MPV17: variants seen among roughly 807,000 people sequenced by gnomAD.
MPV17 encodes the protein MPV17, mitochondrial inner membrane protein.
In MPV17, 31 loss-of-function variants were observed where a neutral mutation model predicts 28.6. That is an observed-to-expected ratio of 1.08 (90% CI 0.81 to 1.46). MPV17 has a LOEUF of 1.46. Ranked by LOEUF, MPV17 falls within the 40% of genes most tolerant of loss-of-function variation. The pLI, the probability that MPV17 is intolerant of heterozygous loss-of-function variation, is 0.00. For missense variants in MPV17, 198 were observed against 216.2 expected (o/e 0.92, Z 0.53); for synonymous variants, 87 against 85.3 (o/e 1.02, Z -0.11).
At chr2:27,315,896 G>A (rs1679632834) in intron 2 of MPV17, 15 of 1,424,952 alleles carry the variant, frequency 1.1e-5, no homozygotes, top group Non-Finnish European at 1.4e-5. Context: ...TTTGAGAGAT[G>A]AGATGACTTG....
In MPV17 at chr2:27,309,945, G is replaced by C; in HGVS notation, c.498C>G (p.Asn166Lys). The C allele has an allele frequency of 6.2e-7, 1 of 1,614,094 alleles. No homozygotes were observed. The highest frequency in any genetic ancestry group is 8.5e-7 in the Non-Finnish European group (1 of 1,179,962). ...AVVQCVAVIW[N>K]SYLSWKAHRL ...GATGTGCCTTCCAGGACAGGTAGGA[G>C]TTCCAGATAACAGCAACACATTGGA... Residue 166 changes from asparagine to lysine, a missense_variant, in exon 8 of 8, where the codon AAC becomes AAG. Physicochemically the swap from Asn to Lys is moderately conservative, Grantham distance 94. Transcript: ENST00000380044.
At chr2:27,310,282 G>T (rs527744014) in intron 7 of MPV17, among the ~76,000 whole-genome samples, 10 of 152,240 alleles carry the variant, frequency 6.6e-5, no homozygotes, top group African/African-American at 2.4e-4. Context: ...TTTTAGGAGA[G>T]ACAGGGTTTC....
chr2:27,318,933 T>C (rs1679756847), intron 2 of MPV17, among the ~76,000 whole-genome samples: 1 of 151,754 alleles, frequency 6.6e-6, no homozygotes, highest in Admixed American at 6.6e-5. Flanking sequence ...CCCAGCTAAT[T>C]TTTGTATTTC....
intron 2 of MPV17, chr2:27,315,586 G>A (rs1390279122): frequency 6.5e-6 from 1 of 153,622 alleles, no homozygotes; most frequent in East Asian, 1.9e-4. Context: ...TTTTGAGATG[G>A]AGTCTCATTC....
Position 27,322,533 on chromosome 2 carries a change from A to AAGAGG in MPV17, c.-5-16_-5-12dup. On this transcript the variant is annotated splice_polypyrimidine_tract_variant and intron_variant, in intron 1 of 7. Transcript: ENST00000380044. The stretch of plus-strand genomic sequence containing the variant: ...AGAGTGCCATGCTTCCTGTCAAGCC[A>AAGAGG]AGAGGAGAGGGGGTCACCCCCACCG... 6.2e-7 allele frequency: 1 copy of AAGAGG among 1,613,122 alleles called. No individual in the cohort carries two copies. The highest frequency in any genetic ancestry group is 8.5e-7 in the Non-Finnish European group (1 of 1,179,400).
chr2:27,322,145 A>G, intron 2 of MPV17: 1 of 482,754 alleles, frequency 2.1e-6, no homozygotes, highest in Non-Finnish European at 3.8e-6. Flanking sequence ...CATACGGTAA[A>G]ATGTTTTCCA....
chr2:27,317,138 T>C lies in MPV17; in HGVS notation c.71-4029A>G. 1 of 1,549,970 alleles carries C rather than the reference T, an allele frequency of 6.5e-7. No homozygotes were observed. The highest frequency in any genetic ancestry group is 8.7e-7 in the Non-Finnish European group (1 of 1,146,846). ...AGGGGCAAGAAGTGGCTTCTTGGAG[T>C]GAGGAGCAGGAAGCGTGTCCTTCAG... is the stretch of plus-strand genomic sequence containing the variant. On this transcript the variant is annotated intron_variant, in intron 2 of 7. Transcript: ENST00000380044. The surrounding 1 kb of genome is among the most constrained non-coding windows in gnomAD (Gnocchi z 4.0).
rs1679692057 is a variant in MPV17, at chr2:27,317,282, GAGCCCAGAGGGAGTGGAAGCCCAGC to G, written c.71-4198_71-4174del. On this transcript the variant is annotated intron_variant, in intron 2 of 7. Coordinates refer to ENST00000380044, the MANE Select transcript of MPV17 (RefSeq NM_002437.5). This position sits in a 1 kb window ranked among gnomAD's most constrained non-coding sequence, Gnocchi z 4.0. The stretch of plus-strand genomic sequence containing the variant: ...TAGGATAGGGGCTCAGTCTGGCACA[GAGCCCAGAGGGAGTGGAAGCCCAGC>G]AGCGGGAGGGGAGTGGATCCTCTGG... 3.4e-6 allele frequency: 5 copies of G among 1,455,308 alleles called. No individual in the cohort carries two copies. Among genetic ancestry groups the G allele is most frequent in the Non-Finnish European group, 4.6e-6 (5 of 1,095,368 alleles). 90.1% of individuals were successfully genotyped at this position (1,455,308 alleles called of 1,614,324 possible). A position where few individuals can be genotyped will look rare whatever the true frequency, so the allele number is the denominator to read the frequency against.
intron 2 of MPV17, among the ~76,000 whole-genome samples, chr2:27,319,294 C>A (rs543837126): frequency 6.6e-6 from 1 of 151,792 alleles, no homozygotes; most frequent in East Asian, 2.0e-4. Context: ...GTGGAACAAA[C>A]CTAACCCAAA....
At chr2:27,315,157 A>G (rs1317296064) in intron 2 of MPV17, among the ~76,000 whole-genome samples, 1 of 152,264 alleles carries the variant, frequency 6.6e-6, no homozygotes, top group Non-Finnish European at 1.5e-5. Context: ...TAAGCAAGCT[A>G]CTGGTAGGTG....
In MPV17 at chr2:27,317,946, C is replaced by A. The variant is rs1288050876; in HGVS notation, c.70+4502G>T. 6.6e-6 allele frequency among the ~76,000 whole-genome samples: 1 copy of A among 152,226 alleles called. No homozygotes were observed. On this transcript the variant is annotated intron_variant, in intron 2 of 7. Coordinates refer to ENST00000380044, the MANE Select transcript of MPV17 (RefSeq NM_002437.5). The surrounding 1 kb of genome is among the most constrained non-coding windows in gnomAD (Gnocchi z 4.0). Reference sequence around the variant, plus strand: ...TACTCCAGCCATTACTGCAGTTCTACTGGATAGATTCTTGCTTCAGGCCTG... The same window carrying A: ...TACTCCAGCCATTACTGCAGTTCTAATGGATAGATTCTTGCTTCAGGCCTG...
At position 27,309,902 on chromosome 2, in the gene MPV17, T is replaced by A. The variant is rs575952120; in HGVS notation, c.*10A>T. On this transcript the variant is annotated 3_prime_UTR_variant, in exon 8 of 8. Transcript: ENST00000380044. The stretch of plus-strand genomic sequence containing the variant: ...TCACTGCAAGGTGGAAACGATGGAG[T>A]GAGGCAGGCTTAGAGCCGATGTGCC... The A allele has an allele frequency of 1.9e-6, 3 of 1,611,824 alleles. No individual in the cohort carries two copies. The highest frequency in any genetic ancestry group is 1.3e-5 in the African/African-American group (1 of 74,910).
At chr2:27,322,808 C>A (rs1679906854) in intron 1 of MPV17, among the ~76,000 whole-genome samples, 1 of 152,222 alleles carries the variant, frequency 6.6e-6, no homozygotes. Flanking sequence ...CCTCCGTTCC[C>A]GACGGAGACA....
At chr2:27,321,928 A>T (rs1679874752) in intron 2 of MPV17, 1 of 156,670 alleles carries the variant, frequency 6.4e-6, no homozygotes, top group South Asian at 1.8e-4. Flanking sequence ...CTGACACAGG[A>T]GTGTTCAGTT....
chr2:27,309,980 A>G lies in MPV17; in HGVS notation c.463T>C (p.Leu155=). ...ACAGCAACACATTGGACAACGGCCA[A>G]CCTAAGGAACAGGAATAACACAATG... ...NFYLVPLHYR[L]AVVQCVAVIW... is the part of the protein sequence containing the mutation. Residue 155 remains leucine (L), a splice_region_variant and synonymous_variant, in exon 8 of 8, where the codon TTG becomes CTG. Coordinates refer to ENST00000380044, the MANE Select transcript of MPV17 (RefSeq NM_002437.5). 1 of 1,613,254 alleles carries G rather than the reference A, an allele frequency of 6.2e-7. No homozygotes were observed. The highest frequency in any genetic ancestry group is 8.5e-7 in the Non-Finnish European group (1 of 1,179,194).
chr2:27,316,169 TG>T, intron 2 of MPV17: 1 of 1,551,194 alleles, frequency 6.4e-7, no homozygotes, highest in Non-Finnish European at 8.7e-7. Flanking sequence ...CTCGTGGGGA[TG>T]GCAGACAGCA....
At chr2:27,315,876 A>T in intron 2 of MPV17, 1 of 1,384,494 alleles carries the variant, frequency 7.2e-7, no homozygotes. Context: ...CCCCCATTTA[A>T]TGATGAGTCT....
chr2:27,311,042 CTTTTTTTTTTTTTT>C (rs35806208), intron 7 of MPV17: 5 of 70,552 alleles, frequency 7.1e-5, no homozygotes, highest in Non-Finnish European at 1.2e-4. Flanking sequence ...TGTGTCCAGC[CTTTTTTTTTTTTTT>C]TTTTTTTTTT....
Position 27,314,873 on chromosome 2 carries a change from C to T in MPV17, c.71-1764G>A, listed in dbSNP as rs555733399. 3.3e-5 allele frequency among the ~76,000 whole-genome samples: 5 copies of T among 152,368 alleles called. No individual in the cohort carries two copies. In the South Asian group the frequency reaches 1.0e-3, roughly 32 times the overall value. ...CTGGCTGCACACTCACTGTTGCGTT[C>T]TTCCTCCACACCCTCTGCCCGGCCG... On this transcript the variant is annotated intron_variant, in intron 2 of 7. Coordinates refer to ENST00000380044, the MANE Select transcript of MPV17 (RefSeq NM_002437.5).
Sources: allele counts gnomAD v4.1 joint callset (sites outside exome capture counted in the v4.1 genomes callset), GRCh38; gene constraint gnomAD v4.1.1; non-coding constraint Gnocchi (gnomAD v3.1); transcripts MANE v1.5; gene names NCBI Gene and HGNC (gene_info 2026-07-23, HGNC 2026-07-21).